Variants in ROBO1 observed in about 807,000 individuals in gnomAD.
ROBO1 encodes the protein roundabout guidance receptor 1, also known as roundabout homolog 1.
A neutral mutation model predicts 195.9 loss-of-function variants in ROBO1; 149 were observed. The ratio of observed to expected loss-of-function variants is 0.76; its 90% CI spans 0.67 to 0.87. The LOEUF (loss-of-function observed/expected upper bound fraction) is 0.87. ROBO1 is among the 40% of genes least tolerant of loss of function. The pLI, the probability that ROBO1 is intolerant of heterozygous loss-of-function variation, is 0.00. For missense variants in ROBO1, 1,933 were observed against 2,068.3 expected, an observed-to-expected ratio of 0.93 and a Z score of 1.27; for synonymous variants, 816 against 733.2, an observed-to-expected ratio of 1.11 and a Z score of -1.82.
chr3:78,958,820 T>C (rs2041178375), intron 3 of ROBO1, among the ~76,000 whole-genome samples: 1 of 101,330 alleles, frequency 9.9e-6, no homozygotes, highest in African/African-American at 5.3e-5. Flanking sequence ...TTTCTTCTTC[T>C]TTTTTTTTTT....
intron 29 of ROBO1, among the ~76,000 whole-genome samples, chr3:78,605,506 T>G (rs367637045): frequency 6.6e-6 from 1 of 152,236 alleles, no homozygotes; most frequent in Non-Finnish European, 1.5e-5. Flanking sequence ...GTTTTCTTCC[T>G]GGATAGCTGA....
rs117489449 is a variant in ROBO1 at position 78,955,116 on chromosome 3, A to G, written c.173-16189T>C. Among the ~76,000 whole-genome samples the G allele has an allele frequency of 1.7e-3, 198 of 113,718 alleles. 2 individuals are homozygous for G. In the East Asian group the frequency reaches 0.031, roughly 18 times the overall value. 74.6% of individuals were successfully genotyped at this position (113,718 alleles called of 152,430 possible). ...GGTAAACTGTGTGTCATGGGGTTAT[A>G]TAGGTAAACTGTGTGTCATGGAGTT... On this transcript the variant is annotated intron_variant, in intron 3 of 30. Coordinates refer to ENST00000464233, the MANE Select transcript of ROBO1 (RefSeq NM_002941.4).
intron 2 of ROBO1, among the ~76,000 whole-genome samples, chr3:79,413,019 G>A (rs928585762): frequency 6.7e-5 from 10 of 148,262 alleles, no homozygotes; most frequent in Non-Finnish European, 8.9e-5. Context: ...TTTACCTTCT[G>A]TTTGGGACCA....
chr3:79,229,799 C>A (rs1477728608), intron 2 of ROBO1, among the ~76,000 whole-genome samples: 6 of 152,100 alleles, frequency 3.9e-5, no homozygotes, highest in Non-Finnish European at 7.4e-5. Context: ...TTCTTTTATT[C>A]CCGATAAATC....
chr3:78,983,292 C>T (rs2077037967), intron 3 of ROBO1, among the ~76,000 whole-genome samples: 1 of 152,148 alleles, frequency 6.6e-6, no homozygotes, highest in Non-Finnish European at 1.5e-5. Flanking sequence ...CAAGTTTACA[C>T]ACTCCCTTCT....
At chr3:78,614,524 G>A in intron 28 of ROBO1, 124 bp downstream of exon 28, 1 of 1,075,188 alleles carries the variant, frequency 9.3e-7, no homozygotes, top group Non-Finnish European at 1.3e-6. Flanking sequence ...TAAGTAATAT[G>A]AAGCTGATTG....
chr3:79,540,822 G>C (rs1378222515), intron 2 of ROBO1, among the ~76,000 whole-genome samples: 1 of 151,992 alleles, frequency 6.6e-6, no homozygotes, highest in Non-Finnish European at 1.5e-5. Context: ...ACTACTTAAG[G>C]CCACGAAGAT....
intron 2 of ROBO1, among the ~76,000 whole-genome samples, chr3:79,207,993 A>C (rs1204037001): frequency 6.6e-6 from 1 of 152,166 alleles, no homozygotes; most frequent in Non-Finnish European, 1.5e-5. Context: ...TTAGTAAAAG[A>C]AATTCTCTAA....
At chr3:79,477,327 T>C (rs1026240551) in intron 2 of ROBO1, among the ~76,000 whole-genome samples, 2 of 152,172 alleles carry the variant, frequency 1.3e-5, no homozygotes, top group Non-Finnish European at 2.9e-5. Context: ...CTTAAAAGTA[T>C]CTAAACATCT....
intron 17 of ROBO1, among the ~76,000 whole-genome samples, chr3:78,659,291 A>G (rs1314072182): frequency 2.6e-5 from 4 of 152,248 alleles, no homozygotes; most frequent in Non-Finnish European, 4.4e-5. Flanking sequence ...TCATATACAC[A>G]AATTTCATAA....
chr3:79,630,314 C>T (rs1265999124), intron 1 of ROBO1, among the ~76,000 whole-genome samples: 1 of 151,866 alleles, frequency 6.6e-6, no homozygotes, highest in Non-Finnish European at 1.5e-5. Flanking sequence ...GGTTTTATTC[C>T]AGGGATGTGA....
intron 1 of ROBO1, among the ~76,000 whole-genome samples, chr3:79,623,153 A>G (rs927365987): frequency 6.6e-6 from 1 of 151,984 alleles, no homozygotes; most frequent in Non-Finnish European, 1.5e-5. Flanking sequence ...AACAACAACA[A>G]CAACAACAAC....
chr3:79,274,530 G>A (rs1349770137), intron 2 of ROBO1, among the ~76,000 whole-genome samples: 4 of 151,734 alleles, frequency 2.6e-5, no homozygotes, highest in Non-Finnish European at 4.4e-5. Context: ...ATAGCTATAG[G>A]TGCCTACATC....
chr3:78,746,795 A>G lies in ROBO1; in HGVS notation c.605T>C (p.Ile202Thr). Residue 202 changes from isoleucine to threonine, a missense_variant, in exon 5 of 31, where the codon ATT (isoleucine) becomes ACT (threonine). By Grantham distance (89) the Ile-to-Thr change is moderately conservative (BLOSUM62 -1). Coordinates refer to ENST00000464233, the MANE Select transcript of ROBO1 (RefSeq NM_002941.4). ...QPPRGHPEPT[I>T]SWKKDGSPLD... ...TGGAGAGCCATCTTTCTTCCATGAA[A>G]TGGTGGGCTCAGGATGGCCTCGTGG... 1 of 1,584,202 alleles carries G rather than the reference A, an allele frequency of 6.3e-7. No individual in the cohort carries two copies. Among genetic ancestry groups the G allele is most frequent in the Non-Finnish European group, 8.6e-7 (1 of 1,160,054 alleles).
intron 5 of ROBO1, among the ~76,000 whole-genome samples, chr3:78,725,907 A>C (rs924955529): frequency 3.4e-5 from 5 of 148,422 alleles, no homozygotes; most frequent in African/African-American, 1.3e-4. Flanking sequence ...AGCAAGTCAG[A>C]TGATTTGCAG....
intron 2 of ROBO1, among the ~76,000 whole-genome samples, chr3:79,584,253 AATATATATAT>A (rs10526101): frequency 0.36 from 51,826 of 144,496 alleles, 9,445 homozygotes; most frequent in East Asian, 0.43. Context: ...AGGTACATGT[AATATATATAT>A]ATATATATAT....
chr3:78,953,676 G>A (rs2040902221), intron 3 of ROBO1, among the ~76,000 whole-genome samples: 1 of 152,052 alleles, frequency 6.6e-6, no homozygotes, highest in South Asian at 2.1e-4. Flanking sequence ...TAACACCTGA[G>A]GGGAAAGTAA....
At chr3:78,740,100 G>T (rs1436514060) in intron 5 of ROBO1, among the ~76,000 whole-genome samples, 1 of 152,122 alleles carries the variant, frequency 6.6e-6, no homozygotes, top group African/African-American at 2.4e-5. Context: ...TATACATAAA[G>T]TGCTTGTAAT....
Position 78,632,768 on chromosome 3 carries a change from T to C in ROBO1, c.3481+1167A>G, listed in dbSNP as rs1381372616. On this transcript the variant is annotated intron_variant, in intron 24 of 30. Coordinates refer to ENST00000464233, the MANE Select transcript of ROBO1 (RefSeq NM_002941.4). The stretch of plus-strand genomic sequence containing the variant: ...ATCATTGTTTATTTTCCCATTAAGA[T>C]ATGGTTTTCTCTATGTGACTAAAAA... Among the ~76,000 whole-genome samples the C allele has an allele frequency of 2.6e-5, 4 of 152,150 alleles. No individual in the cohort carries two copies. The East Asian group carries it at 7.7e-4, about 29-fold the overall frequency.
Sources: gnomAD v4.1 joint callset for allele counts (sites outside exome capture counted in the v4.1 genomes callset) on GRCh38, gnomAD v4.1.1 for gene constraint, MANE v1.5 for transcripts, NCBI Gene and HGNC (gene_info 2026-07-23, HGNC 2026-07-21) for gene names.